ARHGAP32: variants seen among roughly 807,000 people sequenced by gnomAD.
The protein encoded by ARHGAP32 is Rho GTPase activating protein 32, also known as rho GTPase-activating protein 32.
ARHGAP32 carries 51 observed loss-of-function variants against 186.5 expected under a neutral mutation model. The ratio of observed to expected loss-of-function variants is 0.27; its 90% CI spans 0.22 to 0.35. The LOEUF (loss-of-function observed/expected upper bound fraction) is 0.35. Among genes scored for constraint, ARHGAP32 ranks in the 10% least tolerant of loss-of-function variants. The probability of loss-of-function intolerance (pLI) is 1.00; values close to 1 mark genes in which losing one functional copy is unlikely to be tolerated. For missense variants in ARHGAP32, 2,186 were observed against 2,623.5 expected (o/e 0.83, Z 3.64); for synonymous variants, 950 against 964.3 (o/e 0.99, Z 0.27).
At chr11:129,054,034 A>T (rs567685831) in intron 10 of ARHGAP32, among the ~76,000 whole-genome samples, 4 of 151,586 alleles carry the variant, frequency 2.6e-5, no homozygotes, top group African/African-American at 9.7e-5. Context: ...TCTAAAACTA[A>T]GTTACCTGGA....
At chr11:129,144,629 TA>T (rs1943131505) in intron 2 of ARHGAP32, among the ~76,000 whole-genome samples, 1 of 152,146 alleles carries the variant, frequency 6.6e-6, no homozygotes, top group Non-Finnish European at 1.5e-5. Flanking sequence ...AGGTGACAGG[TA>T]AATTTCAGTA....
intron 2 of ARHGAP32, among the ~76,000 whole-genome samples, chr11:129,144,085 AG>A (rs35228681): frequency 6.6e-6 from 1 of 152,238 alleles, no homozygotes; most frequent in South Asian, 2.1e-4. Flanking sequence ...GTATGTCACA[AG>A]GAATTCAAAT....
Position 128,973,162 on chromosome 11 carries a change from T to C in ARHGAP32, c.3344A>G (p.Asp1115Gly). 1 of 1,614,124 alleles carries C rather than the reference T, an allele frequency of 6.2e-7. No individual in the cohort carries two copies. Among genetic ancestry groups the C allele is most frequent in the African/African-American group, 1.3e-5 (1 of 75,028 alleles). ...VALDKAYFQTDRPAEQFHLQN... is the reference protein window; with the variant it reads ...VALDKAYFQTGRPAEQFHLQN... ...GAGGTGGAACTGCTCTGCTGGTCGA[T>C]CGGTTTGGAAATAGGCCTTATCTAG... is the stretch of plus-strand genomic sequence containing the variant. The change falls in exon 22 of 23, where the codon GAT becomes GGT. Residue 1115 changes from aspartate to glycine, a missense_variant. This residue lies in a region of ARHGAP32 where 1,502 missense variants were observed against 1,570.0 expected (regional missense o/e 0.96). Coordinates refer to ENST00000682385, the MANE Select transcript of ARHGAP32 (RefSeq NM_001378024.1).
Position 129,018,601 on chromosome 11 carries a change from T to A in ARHGAP32, c.1046-20133A>T, listed in dbSNP as rs146764733. On this transcript the variant is annotated intron_variant, in intron 11 of 22. Transcript: ENST00000682385. ...TCTGAAAAACTTTAGTTCGCATTCA[T>A]CTTGGGAAATATGTGATATGAATCT... Among the ~76,000 whole-genome samples the A allele has an allele frequency of 2.6e-5, 4 of 152,328 alleles. No homozygotes were observed. In the East Asian group the frequency reaches 7.7e-4, roughly 29 times the overall value.
intron 1 of ARHGAP32, among the ~76,000 whole-genome samples, chr11:129,220,142 C>T (rs1944693938): frequency 6.6e-6 from 1 of 152,148 alleles, no homozygotes; most frequent in Non-Finnish European, 1.5e-5. Flanking sequence ...ATATCTGAAA[C>T]ATTCTCCAGA....
At position 129,267,158 on chromosome 11, in the gene ARHGAP32, G is replaced by A. The variant is rs186947292; in HGVS notation, c.-5+11988C>T. The stretch of plus-strand genomic sequence containing the variant: ...GTAGATGACTTGAGATCAGGAGTTC[G>A]AGACCAACCTGGCCAACATGGTGAA... On this transcript the variant is annotated intron_variant, in intron 1 of 6. Transcript: ENST00000525234. Among the ~76,000 whole-genome samples, 1,225 of 152,218 alleles carry A rather than the reference G, an allele frequency of 8.0e-3. 9 individuals are homozygous for A. The highest frequency in any genetic ancestry group is 0.03 in the South Asian group (145 of 4,812).
intron 2 of ARHGAP32, among the ~76,000 whole-genome samples, chr11:129,133,201 AT>A (rs1391193325): frequency 2.0e-5 from 3 of 152,194 alleles, no homozygotes; most frequent in African/African-American, 7.2e-5. Context: ...CAGACAAAAA[AT>A]CATGCAATCT....
At chr11:129,224,768 C>CAAAAA (rs57944399) in intron 1 of ARHGAP32, among the ~76,000 whole-genome samples, 3 of 104,268 alleles carry the variant, frequency 2.9e-5, no homozygotes, top group African/African-American at 3.8e-5. Flanking sequence ...TTGGCTAGAG[C>CAAAAA]AAAAAAAAAA....
chr11:129,228,898 A>C (rs1429573490), intron 1 of ARHGAP32, among the ~76,000 whole-genome samples: 1 of 152,214 alleles, frequency 6.6e-6, no homozygotes, highest in Non-Finnish European at 1.5e-5. Flanking sequence ...CAAAATTGGC[A>C]ATAAACTCCA....
At chr11:129,038,603 T>TA (rs909938007) in intron 11 of ARHGAP32, among the ~76,000 whole-genome samples, 27 of 151,266 alleles carry the variant, frequency 1.8e-4, no homozygotes, top group Non-Finnish European at 2.7e-4. Flanking sequence ...TACAACTCAC[T>TA]AAAAAAAACA....
Position 128,973,303 on chromosome 11 carries a change from G to A in ARHGAP32, c.3203C>T (p.Ala1068Val). 6.2e-7 allele frequency: 1 copy of A among 1,614,160 alleles called. No homozygotes were observed. Among genetic ancestry groups the A allele is most frequent in the Non-Finnish European group, 8.5e-7 (1 of 1,180,036 alleles). Residue 1068 changes from alanine to valine, a missense_variant, in exon 22 of 23, where the codon GCC becomes GTC. Ala to Val is a moderately conservative substitution (Grantham distance 64). Coordinates refer to ENST00000682385, the MANE Select transcript of ARHGAP32 (RefSeq NM_001378024.1). ...ALALAESAQQ[A>V]STQSLKRPGT... ...TGGTCTCTTCAATGACTGAGTTGAGGCTTGCTGTGCGGACTCAGCTAATGC... is the reference window on the plus strand; with the variant it reads ...TGGTCTCTTCAATGACTGAGTTGAGACTTGCTGTGCGGACTCAGCTAATGC...
intron 5 of ARHGAP32, among the ~76,000 whole-genome samples, chr11:129,107,560 T>C (rs905954082): frequency 6.6e-6 from 1 of 152,208 alleles, no homozygotes; most frequent in Non-Finnish European, 1.5e-5. Flanking sequence ...ATGATGGCGA[T>C]TGAGCTGTAT....
chr11:128,982,470 G>C (rs1945730597), intron 15 of ARHGAP32, among the ~76,000 whole-genome samples: 1 of 112,694 alleles, frequency 8.9e-6, no homozygotes, highest in East Asian at 2.7e-4. Context: ...AACCAGGTAA[G>C]TGCCGTGTGT....
At chr11:129,142,720 GA>G (rs61447996) in intron 2 of ARHGAP32, among the ~76,000 whole-genome samples, 58,117 of 146,508 alleles carry the variant, frequency 0.4, 11,881 homozygotes, top group South Asian at 0.56. Context: ...TTTCTTAAAG[GA>G]AAAAAAAAAA....
chr11:129,068,136 AGG>A (rs1262301425), intron 6 of ARHGAP32, among the ~76,000 whole-genome samples: 1 of 152,036 alleles, frequency 6.6e-6, no homozygotes, highest in East Asian at 1.9e-4. Context: ...GCCTGAATTG[AGG>A]GCCACTGGTC....
At chr11:129,132,193 G>A (rs1320974722) in intron 2 of ARHGAP32, among the ~76,000 whole-genome samples, 1 of 152,166 alleles carries the variant, frequency 6.6e-6, no homozygotes, top group East Asian at 1.9e-4. Flanking sequence ...AATAAAAAAC[G>A]GCAGGCTGGG....
intron 1 of ARHGAP32, among the ~76,000 whole-genome samples, chr11:129,272,762 A>G (rs1354875686): frequency 2.0e-5 from 3 of 152,254 alleles, no homozygotes; most frequent in Non-Finnish European, 4.4e-5. Context: ...CCTGTAGGCA[A>G]GAAGAAATGA....
Position 128,969,231 on chromosome 11 carries a change from G to A in ARHGAP32, c.5982C>T (p.Pro1994=), listed in dbSNP as rs139852631. 1.2e-5 allele frequency: 20 copies of A among 1,614,110 alleles called. No individual in the cohort carries two copies. In the South Asian group the frequency reaches 2.0e-4, roughly 16 times the overall value. ...EEHLTQSIVP[P]PKPERSHSLK... is the part of the protein sequence containing the mutation. Reference sequence around the variant, plus strand: ...GGCTATGACTCCTCTCTGGTTTAGGGGGTGGGACGATTGACTGAGTGAGGT... The same window carrying A: ...GGCTATGACTCCTCTCTGGTTTAGGAGGTGGGACGATTGACTGAGTGAGGT... Residue 1994 remains proline, a synonymous_variant, in exon 23 of 23, where the codon CCC becomes CCT. Transcript: ENST00000682385. The surrounding 1 kb of genome is among the most constrained non-coding windows in gnomAD (Gnocchi z 4.8).
intron 2 of ARHGAP32, among the ~76,000 whole-genome samples, chr11:129,135,458 G>A (rs1287836799): frequency 6.6e-6 from 1 of 152,184 alleles, no homozygotes; most frequent in African/African-American, 2.4e-5. Flanking sequence ...AAGTCAATCT[G>A]ATTTCTATAT....
Sources: allele counts gnomAD v4.1 joint callset (sites outside exome capture counted in the v4.1 genomes callset), GRCh38; gene constraint gnomAD v4.1.1; regional missense constraint gnomAD v4.1.1; non-coding constraint Gnocchi (gnomAD v3.1); transcripts MANE v1.5; gene names NCBI Gene and HGNC (gene_info 2026-07-23, HGNC 2026-07-21).